Variants in EFCAB6 observed in about 807,000 individuals in gnomAD.
EFCAB6 encodes EF-hand calcium binding domain 6, also known as EF-hand calcium-binding domain-containing protein 6.
In EFCAB6, 156 loss-of-function variants were observed where a neutral mutation model predicts 169.8. The ratio of observed to expected loss-of-function variants is 0.92; its 90% CI spans 0.81 to 1.05. EFCAB6 has a LOEUF of 1.05. Among genes scored for constraint, EFCAB6 ranks in the 50% least tolerant of loss-of-function variants. The pLI, the probability that EFCAB6 is intolerant of heterozygous loss-of-function variation, is 0.00. For missense variants in EFCAB6, 1,800 were observed against 1,829.1 expected (o/e 0.98, Z 0.29); for synonymous variants, 698 against 676.4 (o/e 1.03, Z -0.50).
intron 29 of EFCAB6, chr22:43,535,482 T>C (rs1048497927): frequency 6.6e-6 from 1 of 152,312 alleles, no homozygotes; most frequent in South Asian, 2.1e-4. Flanking sequence ...ATCAGGCTCA[T>C]GTGGATGCTC....
chr22:43,785,098 C>G (rs2062027717), intron 2 of EFCAB6, among the ~76,000 whole-genome samples: 1 of 152,008 alleles, frequency 6.6e-6, no homozygotes, highest in Non-Finnish European at 1.5e-5. Flanking sequence ...ACCTCAATAT[C>G]CACATTTAAT....
intron 5 of EFCAB6, among the ~76,000 whole-genome samples, chr22:43,758,621 A>G (rs902624670): frequency 6.6e-6 from 1 of 152,166 alleles, no homozygotes; most frequent in Non-Finnish European, 1.5e-5. Flanking sequence ...TTATATAGCC[A>G]AAAATCATTT....
chr22:43,803,948 A>C (rs929090429), intron 2 of EFCAB6, among the ~76,000 whole-genome samples: 1 of 152,198 alleles, frequency 6.6e-6, no homozygotes, highest in African/African-American at 2.4e-5. Flanking sequence ...TCCTGGGCTC[A>C]AGTGATCTTC....
chr22:43,797,397 A>AT (rs1253412468), intron 2 of EFCAB6: 1 of 152,512 alleles, frequency 6.6e-6, no homozygotes, highest in Non-Finnish European at 1.5e-5. Flanking sequence ...TGGCGGACAG[A>AT]TTTTCTTATT....
intron 2 of EFCAB6, among the ~76,000 whole-genome samples, chr22:43,802,114 T>G (rs1295060237): frequency 6.6e-6 from 1 of 152,128 alleles, no homozygotes; most frequent in Non-Finnish European, 1.5e-5. Context: ...TATCAAGCAG[T>G]GTGAAAAAGA....
chr22:43,638,703 TCA>T (rs924815716), intron 17 of EFCAB6, among the ~76,000 whole-genome samples: 5 of 152,206 alleles, frequency 3.3e-5, no homozygotes, highest in African/African-American at 1.2e-4. Flanking sequence ...TCTGAACTTT[TCA>T]CAGTCTATTT....
intron 22 of EFCAB6, among the ~76,000 whole-genome samples, chr22:43,608,221 A>C (rs2053054390): frequency 6.6e-6 from 1 of 152,162 alleles, no homozygotes; most frequent in Non-Finnish European, 1.5e-5. Flanking sequence ...TTGGAAATAG[A>C]AACCTCTCAA....
At position 43,662,802 on chromosome 22, in the gene EFCAB6, A is replaced by G. The variant is rs117619793; in HGVS notation, c.1983+4302T>C. On this transcript the variant is annotated intron_variant, in intron 17 of 31. Transcript: ENST00000262726. ...AATTACTCCAGAATTACACCTGGTA[A>G]GCCTCTACTACATGCAGCAAGCCTG... is the stretch of plus-strand genomic sequence containing the variant. Among the ~76,000 whole-genome samples, 46 of 152,330 alleles carry G rather than the reference A, an allele frequency of 3.0e-4. No homozygotes were observed. The East Asian group carries it at 6.6e-3, about 22-fold the overall frequency.
At chr22:43,538,102 T>G (rs949197614) in intron 28 of EFCAB6, among the ~76,000 whole-genome samples, 1 of 152,256 alleles carries the variant, frequency 6.6e-6, no homozygotes, top group Non-Finnish European at 1.5e-5. Context: ...AATTAGTAAC[T>G]TATGCAATTC....
Position 43,537,306 on chromosome 22 carries a change from T to C in EFCAB6, c.4048+71A>G, listed in dbSNP as rs564736611. The C allele has an allele frequency of 2.6e-6, 4 of 1,564,620 alleles. No homozygotes were observed. The Admixed American group carries it at 5.3e-5, about 21-fold the overall frequency. On this transcript the variant is annotated intron_variant, in intron 29 of 31. Transcript: ENST00000262726. This position sits in a 1 kb window ranked among gnomAD's most constrained non-coding sequence, Gnocchi z 4.3. The stretch of plus-strand genomic sequence containing the variant: ...GGCCTCCACCCGGGGTGTGGCTTTG[T>C]ACCCAGTGGGAACAGCCTCTTGCCA...
chr22:43,585,553 A>G (rs1398655990), intron 24 of EFCAB6, among the ~76,000 whole-genome samples: 1 of 152,202 alleles, frequency 6.6e-6, no homozygotes, highest in Non-Finnish European at 1.5e-5. Flanking sequence ...CAAACAAAGA[A>G]ACAAAACAAG....
chr22:43,630,711 G>A (rs1004522576), intron 19 of EFCAB6, among the ~76,000 whole-genome samples: 3 of 152,112 alleles, frequency 2.0e-5, no homozygotes, highest in African/African-American at 4.8e-5. Flanking sequence ...TGCAGCGGCC[G>A]CTGCCTCCCA....
At chr22:43,781,186 G>A (rs73422407) in intron 3 of EFCAB6, among the ~76,000 whole-genome samples, 6,375 of 152,272 alleles carry the variant, frequency 0.042, 150 homozygotes, top group Non-Finnish European at 0.051. Context: ...AAATAATAAC[G>A]TCAAATTCTG....
chr22:43,558,121 G>A (rs1021853171), intron 26 of EFCAB6, among the ~76,000 whole-genome samples: 2 of 152,166 alleles, frequency 1.3e-5, no homozygotes. Flanking sequence ...CACATTTTTA[G>A]AAGTTCCAGC....
At chr22:43,691,989 T>A (rs940291996) in intron 10 of EFCAB6, among the ~76,000 whole-genome samples, 3 of 151,862 alleles carry the variant, frequency 2.0e-5, no homozygotes, top group Non-Finnish European at 4.4e-5. Flanking sequence ...TTAAAAAAAA[T>A]AATAATAAGT....
intron 6 of EFCAB6, among the ~76,000 whole-genome samples, chr22:43,745,080 A>T (rs2060513531): frequency 6.6e-6 from 1 of 152,228 alleles, no homozygotes; most frequent in Non-Finnish European, 1.5e-5. Flanking sequence ...CTAAGAAATC[A>T]AACTGCTTCA....
chr22:43,623,657 A>T (rs1372098595), intron 20 of EFCAB6, among the ~76,000 whole-genome samples: 2 of 149,650 alleles, frequency 1.3e-5, no homozygotes, highest in Non-Finnish European at 3.0e-5. Context: ...GCACTTTGGG[A>T]GGCCAAGGTG....
chr22:43,642,874 A>C (rs1183331007), intron 17 of EFCAB6, among the ~76,000 whole-genome samples: 1 of 152,178 alleles, frequency 6.6e-6, no homozygotes, highest in Non-Finnish European at 1.5e-5. Context: ...TTTCCTTTTC[A>C]AGTCTTAACC....
chr22:43,541,081 CA>C (rs1363530312), intron 27 of EFCAB6, among the ~76,000 whole-genome samples: 2 of 152,290 alleles, frequency 1.3e-5, no homozygotes, highest in African/African-American at 4.8e-5. Flanking sequence ...TGCACAGCCC[CA>C]AAAACCAGAC....
Sources: gnomAD v4.1 joint callset for allele counts (sites outside exome capture counted in the v4.1 genomes callset) on GRCh38, gnomAD v4.1.1 for gene constraint, Gnocchi (gnomAD v3.1) non-coding constraint, MANE v1.5 for transcripts, NCBI Gene and HGNC (gene_info 2026-07-23, HGNC 2026-07-21) for gene names.